PITPNC1: variants seen among roughly 807,000 people sequenced by gnomAD.
PITPNC1 encodes the protein phosphatidylinositol transfer protein cytoplasmic 1.
In PITPNC1, 18 loss-of-function variants were observed where a neutral mutation model predicts 44.7. The observed-to-expected ratio is 0.40, with a 90% confidence interval of 0.28 to 0.60. PITPNC1 has a LOEUF of 0.60. Ranked by LOEUF, PITPNC1 falls within the 20% of genes least tolerant of loss-of-function variation. PITPNC1 has a pLI of 0.39. For missense variants in PITPNC1, 290 were observed against 418.4 expected, an observed-to-expected ratio of 0.69 and a Z score of 2.68; for synonymous variants, 141 against 149.6, an observed-to-expected ratio of 0.94 and a Z score of 0.42.
chr17:67,468,163 G>A (rs1334163487), intron 1 of PITPNC1, among the ~76,000 whole-genome samples: 1 of 152,178 alleles, frequency 6.6e-6, no homozygotes, highest in African/African-American at 2.4e-5. Context: ...GCAATGCTAT[G>A]GAAGGGTTAT....
At chr17:67,588,672 C>A (rs2041353455) in intron 5 of PITPNC1, among the ~76,000 whole-genome samples, 1 of 152,180 alleles carries the variant, frequency 6.6e-6, no homozygotes, top group Non-Finnish European at 1.5e-5. Flanking sequence ...CAGAATATAT[C>A]CCCCTCGGCC....
At chr17:67,532,065 A>G (rs1248749079) in intron 1 of PITPNC1, among the ~76,000 whole-genome samples, 1 of 152,176 alleles carries the variant, frequency 6.6e-6, no homozygotes, top group Non-Finnish European at 1.5e-5. Flanking sequence ...GTTGCTCCAC[A>G]TGATTATTTT....
At chr17:67,571,280 A>T (rs1221240188) in intron 4 of PITPNC1, among the ~76,000 whole-genome samples, 1 of 152,130 alleles carries the variant, frequency 6.6e-6, no homozygotes, top group Non-Finnish European at 1.5e-5. Context: ...AAAGTAAAAA[A>T]AATTAGCTGG....
chr17:67,491,350 C>A (rs146270290), intron 1 of PITPNC1, among the ~76,000 whole-genome samples: 126 of 152,344 alleles, frequency 8.3e-4, no homozygotes, highest in Non-Finnish European at 1.2e-3. Flanking sequence ...CAATGCCGGG[C>A]CGTTCATTAA....
intron 7 of PITPNC1, among the ~76,000 whole-genome samples, chr17:67,673,523 G>A (rs77969503): frequency 1.3e-5 from 2 of 152,002 alleles, no homozygotes; most frequent in South Asian, 2.1e-4. Context: ...TTCCCATTAC[G>A]TTCTATTCTA....
intron 5 of PITPNC1, among the ~76,000 whole-genome samples, chr17:67,592,126 G>T (rs765762892): frequency 1.1e-4 from 17 of 152,180 alleles, no homozygotes; most frequent in Non-Finnish European, 2.1e-4. Flanking sequence ...AAACCTAAGA[G>T]AATTTACAAA....
intron 6 of PITPNC1, among the ~76,000 whole-genome samples, chr17:67,641,255 C>T (rs971825229): frequency 2.6e-5 from 4 of 152,064 alleles, no homozygotes; most frequent in Non-Finnish European, 5.9e-5. Context: ...ATACATGATC[C>T]TTGTAAAAAA....
At chr17:67,586,926 G>A (rs138014089) in intron 5 of PITPNC1, among the ~76,000 whole-genome samples, 2,553 of 152,286 alleles carry the variant, frequency 0.017, 33 homozygotes, top group South Asian at 0.053. Flanking sequence ...TGGAAAGATG[G>A]CAGAGGATAA....
intron 8 of PITPNC1, among the ~76,000 whole-genome samples, chr17:67,691,906 C>A (rs1256116274): frequency 6.6e-6 from 1 of 151,816 alleles, no homozygotes; most frequent in South Asian, 2.1e-4. Flanking sequence ...CCTCACGGGG[C>A]CCTAATGCAG....
intron 2 of PITPNC1, among the ~76,000 whole-genome samples, chr17:67,548,308 G>A (rs112436898): frequency 0.054 from 8,194 of 152,232 alleles, 534 homozygotes; most frequent in African/African-American, 0.15. Context: ...GTAAGAACCC[G>A]GGCTGGCCAT....
At chr17:67,449,325 T>C (rs1344482328) in intron 1 of PITPNC1, among the ~76,000 whole-genome samples, 2 of 152,200 alleles carry the variant, frequency 1.3e-5, no homozygotes, top group African/African-American at 4.8e-5. Context: ...GAGAATTGCT[T>C]TTGATGGTGG....
chr17:67,378,256 G>A, intron 1 of PITPNC1, 54 bp downstream of exon 1: 1 of 1,246,884 alleles, frequency 8.0e-7, no homozygotes. Flanking sequence ...CGCCGCTACC[G>A]CCGCCTCCTG....
chr17:67,517,491 G>A (rs1004055214), intron 1 of PITPNC1, among the ~76,000 whole-genome samples: 8 of 152,202 alleles, frequency 5.3e-5, no homozygotes, highest in African/African-American at 1.9e-4. Context: ...ATTCATAATA[G>A]CCACAAGGTG....
intron 4 of PITPNC1, among the ~76,000 whole-genome samples, chr17:67,577,172 G>C (rs1224720613): frequency 6.6e-6 from 1 of 152,040 alleles, no homozygotes; most frequent in Non-Finnish European, 1.5e-5. Context: ...TATAGCTGTA[G>C]TCCCAGCTAC....
At position 67,552,192 on chromosome 17, in the gene PITPNC1, A is replaced by AT. The variant is rs2040774669; in HGVS notation, c.198-65_198-64insT. The AT allele has an allele frequency of 2.6e-5, 21 of 819,892 alleles. No homozygotes were observed. In the South Asian group the frequency reaches 2.8e-4, roughly 11 times the overall value. 50.8% of individuals were successfully genotyped at this position (819,892 alleles called of 1,614,324 possible). ...GATTTCTCCAGCATTTTATCCAGAA[A>AT]GATGTGGTAGTGTGGTGAGACTCTG... On this transcript the variant is annotated intron_variant, in intron 2 of 8. Coordinates refer to ENST00000581322, the MANE Select transcript of PITPNC1 (RefSeq NM_012417.4).
intron 7 of PITPNC1, among the ~76,000 whole-genome samples, chr17:67,672,061 A>G (rs2042523574): frequency 6.6e-6 from 1 of 151,918 alleles, no homozygotes; most frequent in African/African-American, 2.4e-5. Flanking sequence ...GAGCCTCCTG[A>G]GTAGCTGAGG....
chr17:67,415,976 C>T (rs1052572162), intron 1 of PITPNC1, among the ~76,000 whole-genome samples: 1 of 151,864 alleles, frequency 6.6e-6, no homozygotes, highest in Non-Finnish European at 1.5e-5. Flanking sequence ...TGCCATTCTT[C>T]ATTCTTCTTT....
chr17:67,626,215 G>A (rs556008592), intron 5 of PITPNC1, among the ~76,000 whole-genome samples: 1 of 151,042 alleles, frequency 6.6e-6, no homozygotes, highest in East Asian at 2.0e-4. Context: ...CAAACTCCTG[G>A]GCTTAAGCCA....
At chr17:67,433,057 G>A (rs2038879601) in intron 1 of PITPNC1, among the ~76,000 whole-genome samples, 1 of 152,268 alleles carries the variant, frequency 6.6e-6, no homozygotes, top group African/African-American at 2.4e-5. Context: ...GAGTGGTGGC[G>A]GAAGACCCTT....
Sources: allele counts gnomAD v4.1 joint callset (sites outside exome capture counted in the v4.1 genomes callset), GRCh38; gene constraint gnomAD v4.1.1; transcripts MANE v1.5; gene names NCBI Gene and HGNC (gene_info 2026-07-23, HGNC 2026-07-21).